The following MED31 variants were observed in gnomAD, a reference collection of about 807,000 sequenced individuals.
MED31 encodes the protein mediator complex subunit 31.
A neutral mutation model predicts 22.0 loss-of-function variants in MED31; 11 were observed. The observed-to-expected ratio is 0.50, with a 90% CI of 0.31 to 0.83. MED31 has a LOEUF of 0.83. Among genes scored for constraint, MED31 ranks in the 40% least tolerant of loss-of-function variants. The pLI is 0.04. For synonymous variants in MED31, 60 were observed against 55.1 expected (o/e 1.09, Z -0.40); for missense variants, 122 against 155.3 (o/e 0.79, Z 1.14).
intron 2 of MED31, 48 bp downstream of exon 2, chr17:6,650,308 A>C: frequency 2.6e-6 from 4 of 1,561,226 alleles, no homozygotes; most frequent in Non-Finnish European, 3.5e-6. Context: ...CTCTTCTGTC[A>C]GAAATCATTA....
intron 3 of MED31, among the ~76,000 whole-genome samples, chr17:6,647,527 T>C (rs1192168193): frequency 6.6e-6 from 1 of 152,202 alleles, no homozygotes; most frequent in Non-Finnish European, 1.5e-5. Flanking sequence ...GCTCTGCATT[T>C]CTAAAAAGCT....
chr17:6,650,459 T>G, intron 1 of MED31, 26 bp from the exon 2 acceptor site: 1 of 1,608,664 alleles, frequency 6.2e-7, no homozygotes, highest in Non-Finnish European at 8.5e-7. Flanking sequence ...GCAAAAATCA[T>G]GGAAAACAAA....
At chr17:6,646,818 G>C (rs1972773547) in intron 3 of MED31, among the ~76,000 whole-genome samples, 1 of 152,244 alleles carries the variant, frequency 6.6e-6, no homozygotes, top group African/African-American at 2.4e-5. Flanking sequence ...CTGAGGAGGA[G>C]TAGTGAAAGA....
In MED31 at chr17:6,643,387, T is replaced by A. The variant is rs1163121364; in HGVS notation, c.*1080A>T. ...AACTGATGATATTCCTGAAACCCCT[T>A]CTTTGATTTTGGAATGTAGAACCTA... On this transcript the variant is annotated 3_prime_UTR_variant, in exon 4 of 4. Transcript: ENST00000225728. 8 of 174,376 alleles carry A rather than the reference T, an allele frequency of 4.6e-5. No homozygotes were observed. The highest frequency in any genetic ancestry group is 1.9e-4 in the African/African-American group (8 of 41,920). 10.8% of individuals were successfully genotyped at this position (174,376 alleles called of 1,614,324 possible). A position where few individuals can be genotyped will look rare whatever the true frequency, so the allele number is the denominator to read the frequency against.
rs573228241 is a variant in MED31 at position 6,644,314 on chromosome 17, TAAC to T, written c.*150_*152del. On this transcript the variant is annotated 3_prime_UTR_variant, in exon 4 of 4. Transcript: ENST00000225728. Reference sequence around the variant, plus strand: ...TTCAGGTTTAACAGAAATAGTCTATTAACAATAAAAAGTTGGATGAAAAAGCAC... The same window carrying T: ...TTCAGGTTTAACAGAAATAGTCTATTAATAAAAAGTTGGATGAAAAAGCAC... The T allele has an allele frequency of 1.8e-4, 145 of 792,070 alleles. 3 individuals are homozygous for T. In the South Asian group the frequency reaches 4.1e-3, roughly 22 times the overall value. The allele number at this position is 792,070 out of a possible 1,614,324, so 49.1% of individuals were successfully genotyped here.
chr17:6,643,385 CTTCT>C lies in MED31; in HGVS notation c.*1078_*1081del, dbSNP rs1972720853. 5.7e-6 allele frequency: 1 copy of C among 175,382 alleles called. No individual in the cohort carries two copies. Among genetic ancestry groups the C allele is most frequent in the Non-Finnish European group, 1.2e-5 (1 of 82,844 alleles). The allele number at this position is 175,382 out of a possible 1,614,324, so 10.9% of individuals were successfully genotyped here. The stretch of plus-strand genomic sequence containing the variant: ...GCAACTGATGATATTCCTGAAACCC[CTTCT>C]TTGATTTTGGAATGTAGAACCTAAC... On this transcript the variant is annotated 3_prime_UTR_variant, in exon 4 of 4. Transcript: ENST00000225728.
At position 6,643,851 on chromosome 17, in the gene MED31, G is replaced by A. The variant is rs1972728422; in HGVS notation, c.*616C>T. On this transcript the variant is annotated 3_prime_UTR_variant, in exon 4 of 4. Transcript: ENST00000225728. The stretch of plus-strand genomic sequence containing the variant: ...CCTCATGTTTGTTCTAAAGTCAAGA[G>A]TCCAGTTAGTAACTAACCACTAGTT... 2.8e-6 allele frequency: 1 copy of A among 356,724 alleles called. No homozygotes were observed. Among genetic ancestry groups the A allele is most frequent in the Admixed American group, 4.7e-5 (1 of 21,492 alleles). 22.1% of individuals were successfully genotyped at this position (356,724 alleles called of 1,614,324 possible). A position where few individuals can be genotyped will look rare whatever the true frequency, so the allele number is the denominator to read the frequency against.
chr17:6,651,358 T>A, intron 1 of MED31, 143 bp downstream of exon 1: 1 of 1,152,706 alleles, frequency 8.7e-7, no homozygotes, highest in South Asian at 1.6e-5. Flanking sequence ...CCTTAGTCTT[T>A]CTAGACGCTA....
At chr17:6,651,428 G>C in intron 1 of MED31, 73 bp downstream of exon 1, 1 of 1,589,078 alleles carries the variant, frequency 6.3e-7, no homozygotes. Context: ...GGCCTGGAAG[G>C]AGGCCACGGG....
At position 6,644,428 on chromosome 17, in the gene MED31, T is replaced by G. The variant is rs1340237883; in HGVS notation, c.*39A>C. 2 of 1,530,076 alleles carry G rather than the reference T, an allele frequency of 1.3e-6. No individual in the cohort carries two copies. The allele number at this position is 1,530,076 out of a possible 1,614,324, so 94.8% of individuals were successfully genotyped here. On this transcript the variant is annotated 3_prime_UTR_variant, in exon 4 of 4. Transcript: ENST00000225728. ...TCTTCACTGTACAAAAGAAATACAT[T>G]ATATACATGTATTAAGTGCCTCGTT...
rs1181835478 is a variant in MED31, at chr17:6,651,605, C to G, written c.-77G>C. 6.2e-7 allele frequency: 1 copy of G among 1,603,182 alleles called. No individual in the cohort carries two copies. Among genetic ancestry groups the G allele is most frequent in the Admixed American group, 1.7e-5 (1 of 57,700 alleles). On this transcript the variant is annotated 5_prime_UTR_variant, in exon 1 of 4. Coordinates refer to ENST00000225728, the MANE Select transcript of MED31 (RefSeq NM_016060.3). ...GACGCGGGCGAAGTTCCGGAAACCA[C>G]GGCTCCCTCTTCCGGTCCCGGGGCA...
chr17:6,645,982 A>G (rs1325643458), intron 3 of MED31, among the ~76,000 whole-genome samples: 1 of 152,244 alleles, frequency 6.6e-6, no homozygotes, highest in Non-Finnish European at 1.5e-5. Flanking sequence ...ACCAAAATTT[A>G]CGTCACCAGT....
intron 3 of MED31, 72 bp from the exon 4 acceptor site, chr17:6,644,731 C>G: frequency 7.0e-7 from 1 of 1,435,490 alleles, no homozygotes; most frequent in Non-Finnish European, 9.2e-7. Flanking sequence ...TTCAGTTATT[C>G]TCTTAAAAAC....
chr17:6,647,126 C>A (rs1190383427), intron 3 of MED31, among the ~76,000 whole-genome samples: 1 of 152,146 alleles, frequency 6.6e-6, no homozygotes, highest in Non-Finnish European at 1.5e-5. Flanking sequence ...CCCTGCTGAC[C>A]TTCTCGCCAC....
intron 2 of MED31, 51 bp downstream of exon 2, chr17:6,650,305 G>A (rs1023481710): frequency 5.2e-6 from 8 of 1,553,086 alleles, no homozygotes; most frequent in Non-Finnish European, 7.1e-6. Context: ...CAACTCTTCT[G>A]TCAGAAATCA....
chr17:6,645,377 G>A (rs1597632249), intron 3 of MED31, among the ~76,000 whole-genome samples: 1 of 152,166 alleles, frequency 6.6e-6, no homozygotes, highest in African/African-American at 2.4e-5. Context: ...TGAGCTTTGT[G>A]TACTGACAGG....
At position 6,651,592 on chromosome 17, in the gene MED31, G is replaced by A. The variant is rs1224690111; in HGVS notation, c.-64C>T. On this transcript the variant is annotated 5_prime_UTR_variant, in exon 1 of 4. Coordinates refer to ENST00000225728, the MANE Select transcript of MED31 (RefSeq NM_016060.3). ...GCAAAAGCCCAGAGACGCGGGCGAAGTTCCGGAAACCACGGCTCCCTCTTC... is the reference window on the plus strand; with the variant it reads ...GCAAAAGCCCAGAGACGCGGGCGAAATTCCGGAAACCACGGCTCCCTCTTC... 4 of 1,609,220 alleles carry A rather than the reference G, an allele frequency of 2.5e-6. No individual in the cohort carries two copies. In the East Asian group the frequency reaches 6.7e-5, roughly 27 times the overall value.
In MED31 at chr17:6,649,976, A is replaced by G. The variant is rs1972811787; in HGVS notation, c.203+6T>C. 1.3e-6 allele frequency: 2 copies of G among 1,579,720 alleles called. No individual in the cohort carries two copies. The highest frequency in any genetic ancestry group is 2.8e-5 in the African/African-American group (2 of 72,658). ...ACATGCTTAGGATTATAAAAATTAA[A>G]CTTACTTTAGATACTTGGCATATTC... On this transcript the variant is annotated splice_donor_region_variant and intron_variant, in intron 3 of 3. Transcript: ENST00000225728.
chr17:6,649,925 G>A lies in MED31; in HGVS notation c.203+57C>T. The A allele has an allele frequency of 3.5e-6, 5 of 1,428,412 alleles. No homozygotes were observed. In the Admixed American group the frequency reaches 8.4e-5, roughly 24 times the overall value. The allele number at this position is 1,428,412 out of a possible 1,614,324, so 88.5% of individuals were successfully genotyped here. A position where few individuals can be genotyped will look rare whatever the true frequency, so the allele number is the denominator to read the frequency against. ...TACATTTTTGCCAATGTGAAACTAA[G>A]AAATCTATTATATAATAAAGTATAC... On this transcript the variant is annotated intron_variant, in intron 3 of 3. Coordinates refer to ENST00000225728, the MANE Select transcript of MED31 (RefSeq NM_016060.3).
Sources: gnomAD v4.1 joint callset for allele counts (sites outside exome capture counted in the v4.1 genomes callset) on GRCh38, gnomAD v4.1.1 for gene constraint, MANE v1.5 for transcripts, NCBI Gene and HGNC (gene_info 2026-07-23, HGNC 2026-07-21) for gene names.